The following CLOCK variants were observed in gnomAD, a reference collection of about 807,000 sequenced individuals.
The protein encoded by CLOCK is clock circadian regulator.
In CLOCK, 43 loss-of-function variants were observed where a neutral mutation model predicts 118.4. The observed-to-expected ratio is 0.36, with a 90% CI of 0.28 to 0.47. The LOEUF is 0.47. Ranked by LOEUF, CLOCK falls within the 20% of genes least tolerant of loss-of-function variation. The pLI is 1.00. For synonymous variants in CLOCK, 326 were observed against 339.2 expected, an observed-to-expected ratio of 0.96 and a Z score of 0.43; for missense variants, 846 against 999.9, an observed-to-expected ratio of 0.85 and a Z score of 2.08.
intron 11 of CLOCK, among the ~76,000 whole-genome samples, chr4:55,456,910 G>T (rs566270743): frequency 6.0e-4 from 92 of 152,212 alleles, no homozygotes; most frequent in African/African-American, 2.1e-3. Context: ...CAACTCCTGG[G>T]CTCAAGCAAC....
At chr4:55,504,102 G>A (rs1396039553) in intron 2 of CLOCK, among the ~76,000 whole-genome samples, 2 of 149,274 alleles carry the variant, frequency 1.3e-5, no homozygotes, top group Non-Finnish European at 3.0e-5. Flanking sequence ...GGCTAACACA[G>A]TGAAACCCTG....
At chr4:55,527,265 T>C (rs1730265223) in intron 1 of CLOCK, among the ~76,000 whole-genome samples, 1 of 152,144 alleles carries the variant, frequency 6.6e-6, no homozygotes, top group Non-Finnish European at 1.5e-5. Context: ...GATTAAGATA[T>C]AGATGAAACG....
At chr4:55,477,032 C>T (rs562056814) in intron 6 of CLOCK, among the ~76,000 whole-genome samples, 8 of 151,990 alleles carry the variant, frequency 5.3e-5, no homozygotes, top group South Asian at 2.1e-4. Context: ...ACTAAATGTG[C>T]GGAATACAGT....
chr4:55,521,510 A>G (rs984393980), intron 1 of CLOCK, among the ~76,000 whole-genome samples: 3 of 152,182 alleles, frequency 2.0e-5, no homozygotes, highest in Non-Finnish European at 4.4e-5. Context: ...GCGTCAACAC[A>G]CCTGGCTCAA....
Position 55,468,306 on chromosome 4 carries a change from C to T in CLOCK, c.438+2411G>A, listed in dbSNP as rs894072279. On this transcript the variant is annotated intron_variant, in intron 8 of 22. Transcript: ENST00000513440. ...TATAAGTAACTTTAGAATATTTATACCATGAGCTCCATCTTCAATAACATC... is the reference window on the plus strand; with the variant it reads ...TATAAGTAACTTTAGAATATTTATATCATGAGCTCCATCTTCAATAACATC... Among the ~76,000 whole-genome samples, 3 of 152,156 alleles carry T rather than the reference C, an allele frequency of 2.0e-5. No homozygotes were observed. The South Asian group carries it at 6.2e-4, about 32-fold the overall frequency.
chr4:55,535,927 G>A (rs1730866836), intron 1 of CLOCK, among the ~76,000 whole-genome samples: 2 of 151,998 alleles, frequency 1.3e-5, no homozygotes, highest in African/African-American at 4.8e-5. Flanking sequence ...GTTAGAGGCT[G>A]AAAATTGAGG....
chr4:55,445,005 T>C (rs1255986104), intron 18 of CLOCK, among the ~76,000 whole-genome samples: 5 of 152,208 alleles, frequency 3.3e-5, no homozygotes, highest in Non-Finnish European at 5.9e-5. Context: ...CACAAAGTTA[T>C]CCACATCAGT....
At chr4:55,542,149 C>A (rs867080213) in intron 1 of CLOCK, among the ~76,000 whole-genome samples, 6 of 146,326 alleles carry the variant, frequency 4.1e-5, no homozygotes, top group Middle Eastern at 3.4e-3. Context: ...GAGACCAGCC[C>A]GGCCAACATG....
rs1213700776 is a variant in CLOCK, at chr4:55,442,567, A to AGAGTGC, written c.1964_1969dup (p.Thr656_Leu657insArgThr). The stretch of plus-strand genomic sequence containing the variant: ...CATAGTGTTATACAGTGGGGCTGTA[A>AGAGTGC]GAGTGCTCTGTGTCTGACTGGGTAG... On this transcript the variant is annotated inframe_insertion, in exon 21 of 23. Transcript: ENST00000513440. The AGAGTGC allele has an allele frequency of 6.2e-7, 1 of 1,612,012 alleles. No individual in the cohort carries two copies. The highest frequency in any genetic ancestry group is 2.2e-5 in the East Asian group (1 of 44,766).
At chr4:55,525,591 C>T (rs1257834285) in intron 1 of CLOCK, among the ~76,000 whole-genome samples, 2 of 152,132 alleles carry the variant, frequency 1.3e-5, no homozygotes, top group Non-Finnish European at 2.9e-5. Flanking sequence ...CAACCTCCGC[C>T]TCTCGAGTAG....
intron 1 of CLOCK, among the ~76,000 whole-genome samples, chr4:55,540,060 T>C (rs1488041086): frequency 6.7e-6 from 1 of 149,456 alleles, no homozygotes. Flanking sequence ...CAGGCTGGAG[T>C]GCAATGGCGT....
At chr4:55,476,538 C>T (rs893184720) in intron 6 of CLOCK, among the ~76,000 whole-genome samples, 1 of 152,110 alleles carries the variant, frequency 6.6e-6, no homozygotes, top group Non-Finnish European at 1.5e-5. Flanking sequence ...AAAGCTTCTT[C>T]CCAACATTAA....
In CLOCK at chr4:55,450,203, T is replaced by A. The variant is rs1724299686; in HGVS notation, c.1236A>T (p.Ile412=). 6.2e-7 allele frequency: 1 copy of A among 1,614,026 alleles called. No homozygotes were observed. The highest frequency in any genetic ancestry group is 8.5e-7 in the Non-Finnish European group (1 of 1,179,930). The change falls in exon 16 of 23, where the codon ATA becomes ATT. Residue 412 remains isoleucine (I), a synonymous_variant. Transcript: ENST00000513440. ...ATGCTTCCTTGAGACTGACTGTGTT[T>A]ATACGATTATCTGACCCAGAATCTT... is the stretch of plus-strand genomic sequence containing the variant. ...KSQDSGSDNR[I]NTVSLKEALE...
intron 1 of CLOCK, among the ~76,000 whole-genome samples, chr4:55,523,982 C>A (rs1402695132): frequency 6.6e-6 from 1 of 152,078 alleles, no homozygotes; most frequent in Non-Finnish European, 1.5e-5. Flanking sequence ...ACCTTTGTTA[C>A]ATGTCTTTAG....
At chr4:55,528,402 T>C (rs1730336306) in intron 1 of CLOCK, among the ~76,000 whole-genome samples, 2 of 151,996 alleles carry the variant, frequency 1.3e-5, no homozygotes, top group Admixed American at 1.3e-4. Flanking sequence ...GTGAAGTGAC[T>C]ATTTCCTTCA....
At chr4:55,529,455 C>A (rs1311626562) in intron 1 of CLOCK, among the ~76,000 whole-genome samples, 1 of 151,942 alleles carries the variant, frequency 6.6e-6, no homozygotes, top group African/African-American at 2.4e-5. Flanking sequence ...CCACTATGTC[C>A]CACCCAGACC....
At chr4:55,449,152 A>G (rs966698584) in intron 17 of CLOCK, among the ~76,000 whole-genome samples, 12 of 142,552 alleles carry the variant, frequency 8.4e-5, no homozygotes, top group Admixed American at 1.5e-4. Flanking sequence ...ACAGCTATCA[A>G]TTTTGAGCTT....
chr4:55,488,582 G>T (rs1727465532), intron 3 of CLOCK, among the ~76,000 whole-genome samples: 1 of 151,880 alleles, frequency 6.6e-6, no homozygotes, highest in Non-Finnish European at 1.5e-5. Context: ...ACATTTCATT[G>T]TCTTTCTTGT....
In CLOCK at chr4:55,526,846, C is replaced by T. The variant is rs570071666; in HGVS notation, c.-289-16781G>A. ...CCTGTAGTCCCAGCTACTCGGGAGG[C>T]TGAGGCAAGAGAATGGCATGAACCC... On this transcript the variant is annotated intron_variant, in intron 1 of 22. Transcript: ENST00000513440. Among the ~76,000 whole-genome samples, 3 of 150,068 alleles carry T rather than the reference C, an allele frequency of 2.0e-5. No individual in the cohort carries two copies. The Admixed American group carries it at 2.0e-4, about 10-fold the overall frequency.
Sources: allele counts gnomAD v4.1 joint callset (sites outside exome capture counted in the v4.1 genomes callset), GRCh38; gene constraint gnomAD v4.1.1; transcripts MANE v1.5; gene names NCBI Gene and HGNC (gene_info 2026-07-23, HGNC 2026-07-21).